Variants in MEF2A observed in about 807,000 individuals in gnomAD.
MEF2A encodes the protein myocyte-specific enhancer factor 2A.
Under a neutral mutation model 55.8 loss-of-function variants are expected in MEF2A, and 28 were observed. The observed-to-expected ratio is 0.50, with a 90% confidence interval of 0.37 to 0.69. The LOEUF (loss-of-function observed/expected upper bound fraction) is 0.69, where lower values mean the gene tolerates loss of function less well. Ranked by LOEUF, MEF2A falls within the 30% of genes least tolerant of loss-of-function variation. The pLI, the probability that MEF2A is intolerant of heterozygous loss-of-function variation, is 0.00. For synonymous variants in MEF2A, 239 were observed against 227.1 expected, an observed-to-expected ratio of 1.05 and a Z score of -0.47; for missense variants, 528 against 626.2, an observed-to-expected ratio of 0.84 and a Z score of 1.67.
At chr15:99,575,621 A>G (rs1189572815) in intron 1 of MEF2A, among the ~76,000 whole-genome samples, 1 of 152,188 alleles carries the variant, frequency 6.6e-6, no homozygotes, top group African/African-American at 2.4e-5. Context: ...CTTTGTTATT[A>G]CTGAATAATC....
chr15:99,581,132 A>G (rs1441094393), intron 1 of MEF2A, among the ~76,000 whole-genome samples: 4 of 152,084 alleles, frequency 2.6e-5, no homozygotes, highest in Non-Finnish European at 5.9e-5. Context: ...TTACTTGTGA[A>G]CATTTCTTTC....
rs1363910969 is a variant in MEF2A at position 99,714,979 on chromosome 15, CTT to C, written c.*2211_*2212del. 6.6e-6 allele frequency: 1 copy of C among 152,112 alleles called. No homozygotes were observed. The highest frequency in any genetic ancestry group is 1.5e-5 in the Non-Finnish European group (1 of 68,050). The allele number at this position is 152,112 out of a possible 1,614,324, so 9.4% of individuals were successfully genotyped here. A position where few individuals can be genotyped will look rare whatever the true frequency, so the allele number is the denominator to read the frequency against. On this transcript the variant is annotated 3_prime_UTR_variant, in exon 12 of 12. Coordinates refer to ENST00000557942, the MANE Select transcript of MEF2A (RefSeq NM_001319206.4). ...GTTCTCATGGCAGTTTGGGCAGTAA[CTT>C]TTGAGAGAGGCCAAAAAAAGGAGGA...
At chr15:99,683,209 C>A (rs1179399778) in intron 7 of MEF2A, among the ~76,000 whole-genome samples, 2 of 152,100 alleles carry the variant, frequency 1.3e-5, no homozygotes, top group Non-Finnish European at 2.9e-5. Flanking sequence ...GGATTTAATT[C>A]ATACCCCTTC....
chr15:99,683,909 C>T (rs997839385), intron 7 of MEF2A, among the ~76,000 whole-genome samples: 6 of 151,948 alleles, frequency 3.9e-5, no homozygotes, highest in African/African-American at 7.3e-5. Flanking sequence ...ATTCTTATGC[C>T]GTTGCATCCT....
At chr15:99,694,116 C>T (rs898883465) in intron 8 of MEF2A, among the ~76,000 whole-genome samples, 1 of 152,210 alleles carries the variant, frequency 6.6e-6, no homozygotes, top group Non-Finnish European at 1.5e-5. Flanking sequence ...GCAATCATGT[C>T]TCTTTAGCCT....
intron 4 of MEF2A, among the ~76,000 whole-genome samples, chr15:99,669,452 T>C (rs2050425417): frequency 6.6e-6 from 1 of 152,254 alleles, no homozygotes; most frequent in East Asian, 1.9e-4. Context: ...GTAAACTTGC[T>C]ACCATGGTTG....
chr15:99,632,335 C>G (rs1312424835), intron 2 of MEF2A, among the ~76,000 whole-genome samples: 1 of 152,104 alleles, frequency 6.6e-6, no homozygotes, highest in African/African-American at 2.4e-5. Context: ...CATATTTTTA[C>G]GAAAGTATAT....
chr15:99,614,969 G>A (rs2039948855), intron 2 of MEF2A, among the ~76,000 whole-genome samples: 1 of 152,164 alleles, frequency 6.6e-6, no homozygotes, highest in Admixed American at 6.5e-5. Context: ...AAAGGCTTGG[G>A]CTTTTAAGAA....
chr15:99,615,046 A>G (rs887733090), intron 2 of MEF2A, among the ~76,000 whole-genome samples: 1 of 152,162 alleles, frequency 6.6e-6, no homozygotes, highest in Non-Finnish European at 1.5e-5. Context: ...AGGAAATTGC[A>G]CTGGAGGGAA....
rs142530253 is a variant in MEF2A at position 99,593,471 on chromosome 15, T to C, written c.-224-4959T>C. Reference sequence around the variant, plus strand: ...ACTACATCATGCCTGGTAGCAAATATCTTAAGGCATGAGGAGTTGGGTGCC... The same window carrying C: ...ACTACATCATGCCTGGTAGCAAATACCTTAAGGCATGAGGAGTTGGGTGCC... On this transcript the variant is annotated intron_variant, in intron 1 of 11. Coordinates refer to ENST00000557942, the MANE Select transcript of MEF2A (RefSeq NM_001319206.4). Among the ~76,000 whole-genome samples the C allele has an allele frequency of 8.5e-5, 13 of 152,300 alleles. 1 individual carries two copies. The East Asian group carries it at 2.5e-3, about 29-fold the overall frequency.
chr15:99,621,438 T>G (rs1237855284), intron 2 of MEF2A, among the ~76,000 whole-genome samples: 3 of 152,192 alleles, frequency 2.0e-5, no homozygotes, highest in Admixed American at 6.5e-5. Context: ...TGAAATTCAT[T>G]TCTTTTTGAA....
chr15:99,635,863 T>C (rs2043719554), intron 3 of MEF2A, among the ~76,000 whole-genome samples: 1 of 152,246 alleles, frequency 6.6e-6, no homozygotes, highest in African/African-American at 2.4e-5. Context: ...TTTTCTACTT[T>C]GGTACTATTA....
chr15:99,581,696 T>C (rs1414791595), intron 1 of MEF2A, among the ~76,000 whole-genome samples: 1 of 152,142 alleles, frequency 6.6e-6, no homozygotes, highest in Non-Finnish European at 1.5e-5. Context: ...AAGATATAGC[T>C]CTTTGCTTCT....
At chr15:99,645,834 C>A in intron 4 of MEF2A, 70 bp downstream of exon 4, 1 of 1,088,936 alleles carries the variant, frequency 9.2e-7, no homozygotes. Context: ...CATTAACTGT[C>A]AGAATGACTT....
intron 1 of MEF2A, among the ~76,000 whole-genome samples, chr15:99,574,153 A>G (rs748198690): frequency 1.3e-5 from 2 of 152,186 alleles, no homozygotes; most frequent in Non-Finnish European, 2.9e-5. Flanking sequence ...AGTTGTTACC[A>G]TGTACCACAT....
intron 7 of MEF2A, among the ~76,000 whole-genome samples, chr15:99,680,824 G>A (rs2153674940): frequency 6.6e-6 from 1 of 152,236 alleles, no homozygotes; most frequent in East Asian, 1.9e-4. Flanking sequence ...CAGTGATGCT[G>A]TATTAATACA....
intron 1 of MEF2A, among the ~76,000 whole-genome samples, chr15:99,583,989 A>G (rs142142746): frequency 1.5e-3 from 228 of 152,264 alleles, no homozygotes; most frequent in African/African-American, 5.3e-3. Context: ...GGTATAGCCT[A>G]TTGCTCCTAG....
At chr15:99,613,098 G>A (rs1328159561) in intron 2 of MEF2A, among the ~76,000 whole-genome samples, 5 of 152,184 alleles carry the variant, frequency 3.3e-5, no homozygotes, top group Non-Finnish European at 7.3e-5. Context: ...GCCAATCAGT[G>A]TTTGAATAAA....
At chr15:99,596,084 T>C (rs1262343886) in intron 1 of MEF2A, among the ~76,000 whole-genome samples, 1 of 152,206 alleles carries the variant, frequency 6.6e-6, no homozygotes, top group East Asian at 1.9e-4. Context: ...TATAAAAACT[T>C]GATTTTTTAC....
Sources: allele counts gnomAD v4.1 joint callset (sites outside exome capture counted in the v4.1 genomes callset), GRCh38; gene constraint gnomAD v4.1.1; transcripts MANE v1.5; gene names NCBI Gene and HGNC (gene_info 2026-07-23, HGNC 2026-07-21).